The following NFIA variants were observed in gnomAD, a reference collection of about 807,000 sequenced individuals.
NFIA encodes the protein nuclear factor I A.
Under a neutral mutation model 62.8 loss-of-function variants are expected in NFIA, and 8 were observed. That is an observed-to-expected ratio of 0.13 (90% CI 0.07 to 0.23). The LOEUF (loss-of-function observed/expected upper bound fraction) is 0.23. NFIA is among the 10% of genes least tolerant of loss of function. The pLI, the probability that NFIA is intolerant of heterozygous loss-of-function variation, is 1.00. For missense variants in NFIA, 410 were observed against 642.1 expected, an observed-to-expected ratio of 0.64 and a Z score of 3.91; for synonymous variants, 235 against 238.1, an observed-to-expected ratio of 0.99 and a Z score of 0.12.
At chr1:61,277,422 T>C (rs1657871189) in intron 2 of NFIA, 98 bp from the exon 3 acceptor site, 3 of 1,036,970 alleles carry the variant, frequency 2.9e-6, no homozygotes, top group Non-Finnish European at 4.4e-6. Flanking sequence ...GTTCCCTTTC[T>C]TAGTTTATAG....
intron 2 of NFIA, among the ~76,000 whole-genome samples, chr1:61,238,875 T>C: frequency 6.6e-6 from 1 of 152,126 alleles, no homozygotes. Context: ...TGGGTTACAT[T>C]TTATTCCCAC....
intron 3 of NFIA, among the ~76,000 whole-genome samples, chr1:61,306,406 G>C (rs1473765628): frequency 6.7e-6 from 1 of 148,190 alleles, no homozygotes; most frequent in Non-Finnish European, 1.5e-5. Context: ...CTCCCAAGTA[G>C]CTGGGACTAC....
chr1:61,137,353 G>A (rs1647216443), intron 2 of NFIA, among the ~76,000 whole-genome samples: 1 of 152,154 alleles, frequency 6.6e-6, no homozygotes. Flanking sequence ...GAAAGGCTAC[G>A]TGAATTGCAT....
At chr1:61,453,414 C>T (rs1232799501) in intron 10 of NFIA, among the ~76,000 whole-genome samples, 1 of 143,202 alleles carries the variant, frequency 7.0e-6, no homozygotes, top group Non-Finnish European at 1.5e-5. Flanking sequence ...CGGCAAGGCA[C>T]ATACTGAATA....
chr1:61,089,686 T>G (rs1460390150), intron 2 of NFIA, among the ~76,000 whole-genome samples: 3 of 145,124 alleles, frequency 2.1e-5, no homozygotes, highest in Non-Finnish European at 4.5e-5. Flanking sequence ...ATATTTAACG[T>G]TTTTTTTTCT....
chr1:61,130,396 T>C (rs942892882), intron 2 of NFIA, among the ~76,000 whole-genome samples: 2 of 152,214 alleles, frequency 1.3e-5, no homozygotes, highest in African/African-American at 4.8e-5. Flanking sequence ...TCAGATCTTC[T>C]GTAACCTTTT....
chr1:61,312,689 T>G (rs1660181072), intron 3 of NFIA, among the ~76,000 whole-genome samples: 1 of 152,002 alleles, frequency 6.6e-6, no homozygotes, highest in South Asian at 2.1e-4. Flanking sequence ...TTTATTTTTT[T>G]ATTTTTTAGA....
At position 61,460,028 on chromosome 1, in the gene NFIA, A is replaced by G. The variant is rs1668469601; in HGVS notation, c.*4708A>G. The G allele has an allele frequency of 6.6e-6, 1 of 152,016 alleles. No individual in the cohort carries two copies. The highest frequency in any genetic ancestry group is 2.4e-5 in the African/African-American group (1 of 41,382). The allele number at this position is 152,016 out of a possible 1,614,324, so 9.4% of individuals were successfully genotyped here. On this transcript the variant is annotated 3_prime_UTR_variant, in exon 11 of 11. Coordinates refer to ENST00000403491, the MANE Select transcript of NFIA (RefSeq NM_001134673.4). ...CATAGAACAAATCTAAAACACAACC[A>G]CCATAGTAATGTAAGGAGAGCTTCA...
At chr1:61,401,268 T>C (rs186067076) in intron 7 of NFIA, among the ~76,000 whole-genome samples, 48 of 152,362 alleles carry the variant, frequency 3.2e-4, no homozygotes, top group African/African-American at 1.2e-3. Context: ...TAATTGATTC[T>C]TATAAATCAG....
chr1:61,286,753 A>G (rs1463873344), intron 3 of NFIA, among the ~76,000 whole-genome samples: 1 of 152,230 alleles, frequency 6.6e-6, no homozygotes, highest in Non-Finnish European at 1.5e-5. Context: ...AAAGAAAATA[A>G]GGCAATATAA....
intron 2 of NFIA, among the ~76,000 whole-genome samples, chr1:61,254,520 C>T (rs1472977083): frequency 6.6e-6 from 1 of 152,112 alleles, no homozygotes; most frequent in South Asian, 2.1e-4. Context: ...TGTTCTTCAA[C>T]ACTCCTTCTG....
At chr1:61,126,348 A>G (rs1352326775) in intron 2 of NFIA, among the ~76,000 whole-genome samples, 1 of 151,574 alleles carries the variant, frequency 6.6e-6, no homozygotes, top group African/African-American at 2.4e-5. Context: ...AGCTGATGCA[A>G]TTCTCTTTCC....
intron 3 of NFIA, among the ~76,000 whole-genome samples, chr1:61,291,397 A>G (rs986727144): frequency 6.6e-6 from 1 of 152,220 alleles, no homozygotes; most frequent in Non-Finnish European, 1.5e-5. Flanking sequence ...TAGCCCAATC[A>G]CATGTAAGTG....
chr1:61,332,421 T>A lies in NFIA; in HGVS notation c.626-91T>A. On this transcript the variant is annotated intron_variant, in intron 3 of 10. Coordinates refer to ENST00000403491, the MANE Select transcript of NFIA (RefSeq NM_001134673.4). ...AGAGAATGAGATTAGGCACCACATG[T>A]GTTAATCATAATGAAACTAATATTT... is the stretch of plus-strand genomic sequence containing the variant. 4.2e-6 allele frequency: 5 copies of A among 1,197,964 alleles called. No homozygotes were observed. The South Asian group carries it at 6.3e-5, about 15-fold the overall frequency. 74.2% of individuals were successfully genotyped at this position (1,197,964 alleles called of 1,614,324 possible).
intron 4 of NFIA, among the ~76,000 whole-genome samples, chr1:61,343,909 A>G (rs1384487146): frequency 1.3e-5 from 2 of 152,188 alleles, no homozygotes; most frequent in East Asian, 3.9e-4. Context: ...ATAGCAGTCT[A>G]TGTTCGTGTT....
chr1:61,209,605 C>A (rs1245857658), intron 2 of NFIA, among the ~76,000 whole-genome samples: 2 of 151,850 alleles, frequency 1.3e-5, no homozygotes, highest in Non-Finnish European at 2.9e-5. Flanking sequence ...GGGTGGATCA[C>A]CTGAGGTCAG....
At chr1:61,213,126 C>A (rs992936908) in intron 2 of NFIA, among the ~76,000 whole-genome samples, 3 of 152,244 alleles carry the variant, frequency 2.0e-5, no homozygotes, top group South Asian at 2.1e-4. Flanking sequence ...AGTATAACCC[C>A]GAGGGCAACA....
At chr1:61,398,598 T>C (rs1665401661) in intron 7 of NFIA, among the ~76,000 whole-genome samples, 1 of 152,218 alleles carries the variant, frequency 6.6e-6, no homozygotes, top group Non-Finnish European at 1.5e-5. Context: ...TCTGGGTCCT[T>C]TCACGTGCAT....
At chr1:61,228,995 T>C (rs1233392540) in intron 2 of NFIA, among the ~76,000 whole-genome samples, 1 of 152,076 alleles carries the variant, frequency 6.6e-6, no homozygotes, top group Non-Finnish European at 1.5e-5. Flanking sequence ...AAGAATCTTA[T>C]AAGAACCCAT....
Sources: allele counts gnomAD v4.1 joint callset (sites outside exome capture counted in the v4.1 genomes callset), GRCh38; gene constraint gnomAD v4.1.1; transcripts MANE v1.5; gene names NCBI Gene and HGNC (gene_info 2026-07-23, HGNC 2026-07-21).